PFKFB1: variants seen among roughly 807,000 people sequenced by gnomAD.
PFKFB1 encodes the protein 6-phosphofructo-2-kinase/fructose-2,6-bisphosphatase 1.
In PFKFB1, 34 loss-of-function variants were observed where a neutral mutation model predicts 46.4. That is an observed-to-expected ratio of 0.73 (90% CI 0.56 to 0.98). The LOEUF is 0.98. Ranked by LOEUF, PFKFB1 falls within the 50% of genes least tolerant of loss-of-function variation. The pLI, the probability that PFKFB1 is intolerant of heterozygous loss-of-function variation, is 0.00. For missense variants in PFKFB1, 393 were observed against 376.3 expected (o/e 1.04, Z -0.37); for synonymous variants, 119 against 133.8 (o/e 0.89, Z 0.76).
At chrX:54,977,767 T>C (rs1446469298) in intron 1 of PFKFB1, among the ~76,000 whole-genome samples, 1 of 110,714 alleles carries the variant, frequency 9.0e-6, no homozygotes, top group Non-Finnish European at 1.9e-5. Flanking sequence ...GCTGGTGTTA[T>C]CTTGTAAAAA....
At position 54,994,095 on chromosome X, in the gene PFKFB1, C is replaced by A; in HGVS notation, c.-88G>T. The A allele has an allele frequency of 8.8e-7, 1 of 1,141,564 alleles. No individual in the cohort carries two copies. Among genetic ancestry groups the A allele is most frequent in the Middle Eastern group, 2.4e-4 (1 of 4,171 alleles). 94.1% of individuals were successfully genotyped at this position (1,141,564 alleles called of 1,213,427 possible). A position where few individuals can be genotyped will look rare whatever the true frequency, so the allele number is the denominator to read the frequency against. On this transcript the variant is annotated 5_prime_UTR_variant, in exon 1 of 14. Transcript: ENST00000375006. ...CTAGCTGTCTTTTCTCTCGCTGTGG[C>A]CACAGCAGCAGGTGGACAGGGCTGG... is the stretch of plus-strand genomic sequence containing the variant.
At chrX:54,978,754 GAGA>G (rs768069320) in intron 1 of PFKFB1, among the ~76,000 whole-genome samples, 2 of 111,780 alleles carry the variant, frequency 1.8e-5, no homozygotes, top group Non-Finnish European at 3.8e-5. Context: ...GTGATGTGAT[GAGA>G]AGGATACCTC....
intron 1 of PFKFB1, among the ~76,000 whole-genome samples, chrX:54,980,075 C>T (rs925794632): frequency 5.4e-5 from 6 of 111,028 alleles, no homozygotes. Context: ...GGATCCCTAT[C>T]CACTCACTCC....
chrX:54,973,922 T>G (rs190210749), intron 1 of PFKFB1, among the ~76,000 whole-genome samples: 43 of 111,507 alleles, frequency 3.9e-4, no homozygotes, highest in Middle Eastern at 9.2e-3. Context: ...CAATAAAACA[T>G]GTATAAAAGA....
intron 7 of PFKFB1, among the ~76,000 whole-genome samples, chrX:54,954,421 G>A (rs756441530): frequency 8.9e-6 from 1 of 112,129 alleles, no homozygotes; most frequent in African/African-American, 3.2e-5. Flanking sequence ...GCTGAGACAG[G>A]AGAATTGCTT....
chrX:54,934,855 T>C, intron 12 of PFKFB1, 92 bp downstream of exon 12: 1 of 648,297 alleles, frequency 1.5e-6, no homozygotes, highest in Admixed American at 2.7e-5. Context: ...CCAGGAAACC[T>C]CCTGCAGGAC....
chrX:54,982,433 C>T (rs1274015573), intron 1 of PFKFB1, among the ~76,000 whole-genome samples: 1 of 111,591 alleles, frequency 9.0e-6, no homozygotes, highest in Non-Finnish European at 1.9e-5. Context: ...AGTCAGTCCT[C>T]CATATCTGTG....
At chrX:54,972,231 A>AT (rs1934690921) in intron 1 of PFKFB1, among the ~76,000 whole-genome samples, 1 of 110,732 alleles carries the variant, frequency 9.0e-6, no homozygotes, top group Non-Finnish European at 1.9e-5. Context: ...GCTTAAGGAG[A>AT]TTTTGGGATG....
chrX:54,933,465 G>A lies in PFKFB1; in HGVS notation c.1357-3C>T, dbSNP rs1388834072. 8.3e-7 allele frequency: 1 copy of A among 1,200,901 alleles called. No individual in the cohort carries two copies. Among genetic ancestry groups the A allele is most frequent in the Non-Finnish European group, 1.1e-6 (1 of 885,722 alleles). ...GGTTCCCGGGTGATGTCCACATTCT[G>A]AGGAGAGAGCGCAGGATTAATAGGA... is the stretch of plus-strand genomic sequence containing the variant. On this transcript the variant is annotated splice_polypyrimidine_tract_variant and splice_region_variant and intron_variant, in intron 13 of 13. Transcript: ENST00000375006.
rs777399343 is a variant in PFKFB1 at position 54,951,997 on chromosome X, G to A, written c.754C>T (p.Arg252Cys). Residue 252 changes from arginine (R) to cysteine (C), a missense_variant, in exon 8 of 14, where the codon CGC becomes TGC. Physicochemically the swap from Arg to Cys is radical, Grantham distance 180 (BLOSUM62 -3). Transcript: ENST00000375006. The part of the protein sequence containing the change: ...YYLMNIHVTP[R>C]SIYLCRHGES... ...CCATGTCGGCAAAGGTAGATGGAGCGAGGTGTGACATGGATATTCATGAGG... is the reference window on the plus strand; with the variant it reads ...CCATGTCGGCAAAGGTAGATGGAGCAAGGTGTGACATGGATATTCATGAGG... 7.4e-6 allele frequency: 9 copies of A among 1,209,370 alleles called. No homozygotes were observed. The South Asian group carries it at 8.8e-5, about 12-fold the overall frequency.
chrX:54,937,519 GAT>G, intron 11 of PFKFB1, 74 bp downstream of exon 11: 1 of 963,296 alleles, frequency 1.0e-6, no homozygotes, highest in African/African-American at 1.9e-5. Flanking sequence ...TAACTACTAA[GAT>G]ATAGATATCT....
chrX:54,951,221 T>C (rs1933964820), intron 8 of PFKFB1, among the ~76,000 whole-genome samples: 1 of 112,064 alleles, frequency 8.9e-6, no homozygotes, highest in South Asian at 3.8e-4. Context: ...AACCAGCCAG[T>C]AGGTCACTGT....
chrX:54,985,180 A>G (rs1458062152), intron 1 of PFKFB1, among the ~76,000 whole-genome samples: 3 of 111,617 alleles, frequency 2.7e-5, no homozygotes, highest in Non-Finnish European at 5.7e-5. Flanking sequence ...CAGAGAGAAC[A>G]AGAGAGAGAG....
In PFKFB1 at chrX:54,956,278, G is replaced by T; in HGVS notation, c.517-4C>A. On this transcript the variant is annotated splice_polypyrimidine_tract_variant and splice_region_variant and intron_variant, in intron 6 of 13. Transcript: ENST00000375006. Reference sequence around the variant, plus strand: ...CAGGGCTGCCAAGTTTCACTTGCTGGGAGCAGGGAGAACAGAGGTATCAAG... The same window carrying T: ...CAGGGCTGCCAAGTTTCACTTGCTGTGAGCAGGGAGAACAGAGGTATCAAG... 1 of 1,210,636 alleles carries T rather than the reference G, an allele frequency of 8.3e-7. No homozygotes were observed. Among genetic ancestry groups the T allele is most frequent in the South Asian group, 1.8e-5 (1 of 56,795 alleles).
At chrX:54,985,235 G>C (rs1034821168) in intron 1 of PFKFB1, among the ~76,000 whole-genome samples, 4 of 111,314 alleles carry the variant, frequency 3.6e-5, no homozygotes, top group African/African-American at 1.3e-4. Flanking sequence ...AAACCTCCAA[G>C]ACTTACTTCA....
intron 1 of PFKFB1, among the ~76,000 whole-genome samples, chrX:54,966,587 G>C (rs1160888712): frequency 8.9e-6 from 1 of 111,953 alleles, no homozygotes; most frequent in African/African-American, 3.2e-5. Flanking sequence ...AGGTGGCTCA[G>C]AAGCAATAGT....
intron 11 of PFKFB1, 90 bp from the exon 12 acceptor site, chrX:54,935,099 T>G: frequency 1.5e-6 from 1 of 679,466 alleles, no homozygotes; most frequent in Non-Finnish European, 2.3e-6. Context: ...ATGCTCCCCA[T>G]TCCATGTCCC....
chrX:54,984,376 C>T (rs1164988332), intron 1 of PFKFB1, among the ~76,000 whole-genome samples: 1 of 112,023 alleles, frequency 8.9e-6, no homozygotes, highest in Non-Finnish European at 1.9e-5. Flanking sequence ...CACACAAAGA[C>T]AATCTTGAGA....
At chrX:54,998,257 CATATAG>C (rs967761388), upstream of PFKFB1, 25 of 487,624 alleles carry the variant, frequency 5.1e-5, no homozygotes, top group East Asian at 2.2e-4. Flanking sequence ...AAATAGGTTA[CATATAG>C]ATATAATCTT....
Sources: gnomAD v4.1 joint callset for allele counts (sites outside exome capture counted in the v4.1 genomes callset) on GRCh38, gnomAD v4.1.1 for gene constraint, MANE v1.5 for transcripts, NCBI Gene and HGNC (gene_info 2026-07-23, HGNC 2026-07-21) for gene names.